The following PHACTR3 variants were observed in gnomAD, a reference collection of about 807,000 sequenced individuals.
PHACTR3 encodes protein phosphatase 1, regulatory subunit 123.
In PHACTR3, 16 loss-of-function variants were observed where a neutral mutation model predicts 66.8. The observed-to-expected ratio is 0.24, with a 90% CI of 0.16 to 0.36. The LOEUF (loss-of-function observed/expected upper bound fraction) is 0.36. Among genes scored for constraint, PHACTR3 ranks in the 10% least tolerant of loss-of-function variants. The pLI is 1.00. For missense variants in PHACTR3, 647 were observed against 719.9 expected (o/e 0.90, Z 1.16); for synonymous variants, 323 against 292.1 (o/e 1.11, Z -1.08).
intron 1 of PHACTR3, among the ~76,000 whole-genome samples, chr20:59,726,180 G>T (rs1448054531): frequency 6.6e-6 from 1 of 152,190 alleles, no homozygotes; most frequent in Non-Finnish European, 1.5e-5. Context: ...TTTTAAGTTT[G>T]CATATTGCAT....
At chr20:59,632,281 G>T (rs774569129) in intron 1 of PHACTR3, among the ~76,000 whole-genome samples, 8 of 152,154 alleles carry the variant, frequency 5.3e-5, no homozygotes, top group Non-Finnish European at 1.2e-4. Flanking sequence ...GTCTGGCTGG[G>T]AAAAGGTGCA....
chr20:59,605,187 G>A (rs1367450834), intron 1 of PHACTR3, 55 bp downstream of exon 1: 3 of 1,213,350 alleles, frequency 2.5e-6, no homozygotes, highest in East Asian at 3.2e-5. Flanking sequence ...GGCAGGTGGC[G>A]CTGAGAGCAG....
At chr20:59,638,762 GGGTA>G (rs2034989329) in intron 1 of PHACTR3, among the ~76,000 whole-genome samples, 4 of 147,626 alleles carry the variant, frequency 2.7e-5, no homozygotes, top group Admixed American at 6.8e-5. Flanking sequence ...ATGGATGGAT[GGGTA>G]GATGGACGGA....
rs2059152535 is a variant in PHACTR3 at position 59,846,653 on chromosome 20, TAA to T, written c.1665-459_1665-458del. Reference sequence around the variant, plus strand: ...TTTCTAAAATAATGACTCTAATACTTAAAATGTGGTATAAAGACCCTAAAATT... The same window carrying T: ...TTTCTAAAATAATGACTCTAATACTTAATGTGGTATAAAGACCCTAAAATT... On this transcript the variant is annotated intron_variant, in intron 12 of 12. Coordinates refer to ENST00000371015, the MANE Select transcript of PHACTR3 (RefSeq NM_080672.5). Among the ~76,000 whole-genome samples the T allele has an allele frequency of 4.6e-5, 7 of 152,284 alleles. No individual in the cohort carries two copies. The South Asian group carries it at 1.4e-3, about 32-fold the overall frequency.
chr20:59,659,929 T>C (rs910305016), intron 1 of PHACTR3, among the ~76,000 whole-genome samples: 5 of 152,184 alleles, frequency 3.3e-5, no homozygotes, highest in Non-Finnish European at 5.9e-5. Flanking sequence ...TCTGCCCTGC[T>C]ACTCAGACTT....
intron 1 of PHACTR3, among the ~76,000 whole-genome samples, chr20:59,675,820 G>A (rs1411763696): frequency 1.3e-5 from 2 of 152,138 alleles, no homozygotes; most frequent in Non-Finnish European, 2.9e-5. Context: ...CCTGCACCAG[G>A]CCCCTCCCCA....
rs33980731 is a variant in PHACTR3 at position 59,635,194 on chromosome 20, C to CTTTT, written c.118+30063_118+30064insTTTT. The stretch of plus-strand genomic sequence containing the variant: ...CCTTTCTTTCTTTCTTTCTTTCTTT[C>CTTTT]TCTTTCTTTCTTTCCTTCCTTCCTT... On this transcript the variant is annotated intron_variant, in intron 1 of 12. Coordinates refer to ENST00000371015, the MANE Select transcript of PHACTR3 (RefSeq NM_080672.5). Among the ~76,000 whole-genome samples, 2 of 54,964 alleles carry CTTTT rather than the reference C, an allele frequency of 3.6e-5. 1 individual carries two copies. Among genetic ancestry groups the CTTTT allele is most frequent in the East Asian group, 1.5e-3 (2 of 1,294 alleles). The allele number at this position is 54,964 out of a possible 152,430, so 36.1% of individuals were successfully genotyped here.
At chr20:59,679,962 G>A (rs993136554) in intron 1 of PHACTR3, among the ~76,000 whole-genome samples, 5 of 152,078 alleles carry the variant, frequency 3.3e-5, no homozygotes, top group South Asian at 2.1e-4. Context: ...CACACGCATC[G>A]CTTTAGGGAG....
At chr20:59,708,170 C>G (rs2037780789) in intron 1 of PHACTR3, among the ~76,000 whole-genome samples, 1 of 152,144 alleles carries the variant, frequency 6.6e-6, no homozygotes, top group South Asian at 2.1e-4. Context: ...AGCATCAGCT[C>G]CATCCAAGCC....
intron 1 of PHACTR3, among the ~76,000 whole-genome samples, chr20:59,625,977 G>C (rs954459100): frequency 1.3e-5 from 2 of 152,130 alleles, no homozygotes; most frequent in African/African-American, 4.8e-5. Flanking sequence ...AGATCTTAGT[G>C]CTTCTATTGT....
chr20:59,637,598 C>T (rs931084892), intron 1 of PHACTR3, among the ~76,000 whole-genome samples: 1 of 151,826 alleles, frequency 6.6e-6, no homozygotes, highest in African/African-American at 2.4e-5. Context: ...AATAGGATGA[C>T]CTTGTCATTG....
intron 9 of PHACTR3, 149 bp from the exon 10 acceptor site, chr20:59,840,220 A>C (rs1600755012): frequency 7.7e-7 from 1 of 1,299,478 alleles, no homozygotes; most frequent in African/African-American, 1.5e-5. Flanking sequence ...AGTGACTGAC[A>C]AAGTGGGAAG....
rs567988359 is a variant in PHACTR3, at chr20:59,845,263, A to G, written c.1662A>G (p.Thr554=). 5 of 1,602,180 alleles carry G rather than the reference A, an allele frequency of 3.1e-6. No individual in the cohort carries two copies. In the East Asian group the frequency reaches 1.1e-4, roughly 36 times the overall value. Residue 554 remains threonine (T), a splice_region_variant and synonymous_variant, in exon 12 of 13, where the codon ACA becomes ACG. Coordinates refer to ENST00000371015, the MANE Select transcript of PHACTR3 (RefSeq NM_080672.5). The part of the protein sequence containing the change: ...MEVHASSKHL[T]RFHRP The stretch of plus-strand genomic sequence containing the variant: ...TACATGCATCAAGCAAGCACTTGAC[A>G]AGGTCAGATTTGTTTCTGTGAATTT...
chr20:59,613,222 C>T (rs2033916248), intron 1 of PHACTR3, among the ~76,000 whole-genome samples: 1 of 152,336 alleles, frequency 6.6e-6, no homozygotes, highest in Non-Finnish European at 1.5e-5. Context: ...CTAAATAACA[C>T]TGGCTTAAAG....
chr20:59,779,029 T>A (rs2040633081), intron 7 of PHACTR3, among the ~76,000 whole-genome samples: 3 of 152,206 alleles, frequency 2.0e-5, no homozygotes, highest in Non-Finnish European at 4.4e-5. Flanking sequence ...GAGGCCCCCT[T>A]TCCTCCATGG....
chr20:59,756,206 C>T (rs1369250709), intron 4 of PHACTR3, among the ~76,000 whole-genome samples: 1 of 152,206 alleles, frequency 6.6e-6, no homozygotes, highest in Admixed American at 6.5e-5. Flanking sequence ...TCCTGCCCAC[C>T]TGGCAGAGTG....
At chr20:59,749,793 T>C (rs1271213555) in intron 3 of PHACTR3, among the ~76,000 whole-genome samples, 1 of 152,230 alleles carries the variant, frequency 6.6e-6, no homozygotes, top group Admixed American at 6.5e-5. Context: ...TTTTATATAA[T>C]TTTCATGTGC....
At chr20:59,675,564 G>C (rs1278801313) in intron 1 of PHACTR3, among the ~76,000 whole-genome samples, 2 of 152,172 alleles carry the variant, frequency 1.3e-5, no homozygotes, top group Non-Finnish European at 2.9e-5. Flanking sequence ...ATGGAGTAGG[G>C]GTCCTGGTTC....
Position 59,758,135 on chromosome 20 carries a change from G to A in PHACTR3, c.541+2771G>A, listed in dbSNP as rs557018971. Among the ~76,000 whole-genome samples the A allele has an allele frequency of 2.1e-4, 31 of 150,916 alleles. No homozygotes were observed. In the East Asian group the frequency reaches 4.1e-3, roughly 20 times the overall value. On this transcript the variant is annotated intron_variant, in intron 4 of 12. Transcript: ENST00000371015. Reference sequence around the variant, plus strand: ...GCAAGACCTGGGGGAGACTGGAGCCGTGCATGGTTCCCTGGGGACTTGTCT... The same window carrying A: ...GCAAGACCTGGGGGAGACTGGAGCCATGCATGGTTCCCTGGGGACTTGTCT...
Sources: gnomAD v4.1 joint callset for allele counts (sites outside exome capture counted in the v4.1 genomes callset) on GRCh38, gnomAD v4.1.1 for gene constraint, MANE v1.5 for transcripts, NCBI Gene and HGNC (gene_info 2026-07-23, HGNC 2026-07-21) for gene names.